Variants in ENOX1 observed in about 807,000 individuals in gnomAD.
The protein encoded by ENOX1 is ecto-NOX disulfide-thiol exchanger 1.
In ENOX1, 42 loss-of-function variants were observed where a neutral mutation model predicts 82.5. That is an observed-to-expected ratio of 0.51 (90% CI 0.40 to 0.66). The LOEUF is 0.66. Among genes scored for constraint, ENOX1 ranks in the 30% least tolerant of loss-of-function variants. ENOX1 has a pLI of 0.00. For missense variants in ENOX1, 608 were observed against 811.6 expected, an observed-to-expected ratio of 0.75 and a Z score of 3.05; for synonymous variants, 271 against 282.2, an observed-to-expected ratio of 0.96 and a Z score of 0.40.
intron 2 of ENOX1, among the ~76,000 whole-genome samples, chr13:43,557,664 G>A (rs998084157): frequency 2.6e-5 from 4 of 152,104 alleles, no homozygotes; most frequent in Non-Finnish European, 4.4e-5. Flanking sequence ...CATTTTGTGT[G>A]GTGCATACCC....
In ENOX1 at chr13:43,751,086, C is replaced by A. The variant is rs887874526; in HGVS notation, c.-285+35566G>T. ...CATTTACCTCTCTGGCTGCCAGGAC[C>A]CCACATTCCTCGTAAGTCCCCAAAT... is the stretch of plus-strand genomic sequence containing the variant. On this transcript the variant is annotated intron_variant, in intron 1 of 16. Transcript: ENST00000690772. Among the ~76,000 whole-genome samples the A allele has an allele frequency of 1.3e-5, 2 of 152,148 alleles. 1 individual carries two copies. Among genetic ancestry groups the A allele is most frequent in the Admixed American group, 1.3e-4 (2 of 15,260 alleles).
chr13:43,636,986 A>C (rs182203735), intron 2 of ENOX1, among the ~76,000 whole-genome samples: 8 of 152,316 alleles, frequency 5.3e-5, no homozygotes, highest in Admixed American at 5.2e-4. Flanking sequence ...ATCAAGTTAC[A>C]ACTCTTTGGG....
intron 2 of ENOX1, among the ~76,000 whole-genome samples, chr13:43,594,562 T>C (rs931170263): frequency 5.9e-5 from 9 of 152,198 alleles, no homozygotes; most frequent in Non-Finnish European, 1.3e-4. Flanking sequence ...GGTTTATATA[T>C]AGGTGGTTAG....
chr13:43,445,736 T>C (rs1169236877), intron 3 of ENOX1, among the ~76,000 whole-genome samples: 2 of 152,114 alleles, frequency 1.3e-5, no homozygotes, highest in Admixed American at 1.3e-4. Flanking sequence ...GAACAATCTT[T>C]CCTATTATTT....
chr13:43,481,110 C>G (rs1181071386), intron 3 of ENOX1, among the ~76,000 whole-genome samples: 1 of 152,054 alleles, frequency 6.6e-6, no homozygotes, highest in African/African-American at 2.4e-5. Context: ...CAACTTTTTG[C>G]TAGCAACAAA....
At chr13:43,785,249 CTT>C (rs1457216728) in intron 1 of ENOX1, among the ~76,000 whole-genome samples, 2 of 152,210 alleles carry the variant, frequency 1.3e-5, no homozygotes, top group Non-Finnish European at 2.9e-5. Context: ...AATATTACCA[CTT>C]TGCTTGACAG....
At chr13:43,734,725 T>C (rs1464768054) in intron 1 of ENOX1, among the ~76,000 whole-genome samples, 4 of 152,166 alleles carry the variant, frequency 2.6e-5, no homozygotes, top group African/African-American at 9.7e-5. Context: ...CACTAGCAAC[T>C]GGGAAAACAG....
At chr13:43,414,285 G>C (rs1372966767) in intron 3 of ENOX1, among the ~76,000 whole-genome samples, 1 of 152,166 alleles carries the variant, frequency 6.6e-6, no homozygotes, top group African/African-American at 2.4e-5. Context: ...CCCTCAACTA[G>C]AGGGGTATGT....
At chr13:43,664,206 T>C (rs187835926) in intron 2 of ENOX1, among the ~76,000 whole-genome samples, 4 of 152,340 alleles carry the variant, frequency 2.6e-5, no homozygotes, top group Admixed American at 2.0e-4. Context: ...TTGCCTTTTT[T>C]TAAAATCAGA....
intron 5 of ENOX1, among the ~76,000 whole-genome samples, chr13:43,395,169 G>A (rs1465892249): frequency 6.6e-6 from 1 of 152,212 alleles, no homozygotes; most frequent in Non-Finnish European, 1.5e-5. Flanking sequence ...ATGAGCATGG[G>A]AATAGCGTGA....
At chr13:43,337,476 G>C (rs933400863) in intron 9 of ENOX1, among the ~76,000 whole-genome samples, 1 of 152,202 alleles carries the variant, frequency 6.6e-6, no homozygotes, top group African/African-American at 2.4e-5. Flanking sequence ...ATGATTATGG[G>C]TTATAATGGA....
chr13:43,650,559 C>CGG (rs1244454311), intron 2 of ENOX1, among the ~76,000 whole-genome samples: 1 of 152,108 alleles, frequency 6.6e-6, no homozygotes, highest in Non-Finnish European at 1.5e-5. Flanking sequence ...GGAGCTTGGC[C>CGG]GCGCATGGTG....
intron 5 of ENOX1, among the ~76,000 whole-genome samples, chr13:43,410,780 A>T (rs2054082763): frequency 6.6e-6 from 1 of 152,140 alleles, no homozygotes; most frequent in African/African-American, 2.4e-5. Context: ...AACTTAGCAC[A>T]TTCCAAATGC....
intron 2 of ENOX1, among the ~76,000 whole-genome samples, chr13:43,523,429 G>C (rs1034721918): frequency 5.3e-5 from 8 of 152,136 alleles, no homozygotes; most frequent in African/African-American, 1.7e-4. Flanking sequence ...CAGAGAATAA[G>C]GGAAAGGAAG....
chr13:43,417,880 C>T (rs1030638594), intron 3 of ENOX1, among the ~76,000 whole-genome samples: 4 of 152,170 alleles, frequency 2.6e-5, no homozygotes, highest in African/African-American at 9.7e-5. Context: ...TCAGTTGGAG[C>T]ACAATATTTC....
intron 1 of ENOX1, among the ~76,000 whole-genome samples, chr13:43,743,581 T>A (rs7139679): frequency 0.093 from 14,184 of 152,100 alleles, 1,092 homozygotes; most frequent in African/African-American, 0.21. Flanking sequence ...ACTGGAAAAA[T>A]GCTCCTAAAG....
chr13:43,698,323 A>G (rs1183074093), intron 1 of ENOX1, among the ~76,000 whole-genome samples: 1 of 152,170 alleles, frequency 6.6e-6, no homozygotes, highest in African/African-American at 2.4e-5. Context: ...TGGTAAACAC[A>G]TTCAATCTTG....
chr13:43,592,538 T>G (rs2081290547), intron 2 of ENOX1, among the ~76,000 whole-genome samples: 1 of 152,244 alleles, frequency 6.6e-6, no homozygotes, highest in Non-Finnish European at 1.5e-5. Flanking sequence ...TCTATTAGAA[T>G]GTGATTTAAG....
Position 43,739,796 on chromosome 13 carries a change from C to T in ENOX1, c.-285+46856G>A, listed in dbSNP as rs376404313. 3.8e-4 allele frequency among the ~76,000 whole-genome samples: 57 copies of T among 151,896 alleles called. 1 individual carries two copies. In the South Asian group the frequency reaches 1.0e-2, roughly 27 times the overall value. On this transcript the variant is annotated intron_variant, in intron 1 of 16. Transcript: ENST00000690772. The stretch of plus-strand genomic sequence containing the variant: ...CTTAACAGCATGGGTCTGAACTGCA[C>T]GGGTCCACTTAAACTCAAATTTTCT...
Sources: gnomAD v4.1 joint callset for allele counts (sites outside exome capture counted in the v4.1 genomes callset) on GRCh38, gnomAD v4.1.1 for gene constraint, MANE v1.5 for transcripts, NCBI Gene and HGNC (gene_info 2026-07-23, HGNC 2026-07-21) for gene names.